Variants in UBAC2 observed in about 807,000 individuals in gnomAD.
The protein encoded by UBAC2 is UBA domain containing 2.
Under a neutral mutation model 44.0 loss-of-function variants are expected in UBAC2, and 26 were observed. The ratio of observed to expected loss-of-function variants is 0.59; its 90% CI spans 0.43 to 0.82. The LOEUF (loss-of-function observed/expected upper bound fraction) is 0.82, where lower values mean the gene tolerates loss of function less well. UBAC2 is among the 40% of genes least tolerant of loss of function. UBAC2 has a pLI of 0.00. For missense variants in UBAC2, 329 were observed against 419.4 expected (o/e 0.78, Z 1.88); for synonymous variants, 155 against 154.3 (o/e 1.00, Z -0.04).
intron 7 of UBAC2, among the ~76,000 whole-genome samples, chr13:99,358,291 G>A (rs2045217241): frequency 6.6e-6 from 1 of 152,174 alleles, no homozygotes; most frequent in Non-Finnish European, 1.5e-5. Flanking sequence ...ATCCGAAAAG[G>A]CCCTTAATGT....
intron 1 of UBAC2, among the ~76,000 whole-genome samples, chr13:99,224,860 A>C (rs1038919308): frequency 5.3e-5 from 8 of 152,352 alleles, no homozygotes; most frequent in Non-Finnish European, 1.2e-4. Context: ...ATTTTTACGT[A>C]GTAAAAGTAC....
At chr13:99,332,445 G>A (rs2044729472) in intron 6 of UBAC2, among the ~76,000 whole-genome samples, 1 of 152,188 alleles carries the variant, frequency 6.6e-6, no homozygotes, top group African/African-American at 2.4e-5. Context: ...AGTGGACTAA[G>A]AGAAAATCAT....
intron 1 of UBAC2, among the ~76,000 whole-genome samples, chr13:99,230,867 G>A (rs1479698095): frequency 6.6e-6 from 1 of 152,104 alleles, no homozygotes; most frequent in Non-Finnish European, 1.5e-5. Flanking sequence ...TGGCCAATAT[G>A]GTGAAATCCC....
rs1278649035 is a variant in UBAC2 at position 99,340,400 on chromosome 13, T to C, written c.642T>C (p.Phe214=). The part of the protein sequence containing the change: ...LCIPSWMAKF[F]SWTLEPIFSS... Reference sequence around the variant, plus strand: ...TCCCCAGCTGGATGGCAAAATTCTTTTCTTGGACACTTGAACCCATCTTCT... The same window carrying C: ...TCCCCAGCTGGATGGCAAAATTCTTCTCTTGGACACTTGAACCCATCTTCT... Residue 214 remains phenylalanine (F), a synonymous_variant, in exon 7 of 9, where the codon TTT becomes TTC. Coordinates refer to ENST00000403766, the MANE Select transcript of UBAC2 (RefSeq NM_001144072.2). 4 of 1,614,082 alleles carry C rather than the reference T, an allele frequency of 2.5e-6. No homozygotes were observed. The highest frequency in any genetic ancestry group is 1.6e-4 in the Middle Eastern group (1 of 6,084).
intron 6 of UBAC2, 135 bp downstream of exon 6, chr13:99,318,204 G>A (rs1260060539): frequency 1.8e-5 from 16 of 906,232 alleles, no homozygotes; most frequent in Middle Eastern, 2.1e-4. Context: ...TTTCACTCTT[G>A]TTGCCCAGGC....
intron 8 of UBAC2, among the ~76,000 whole-genome samples, chr13:99,377,891 G>T (rs1414953615): frequency 6.6e-6 from 1 of 152,182 alleles, no homozygotes; most frequent in Non-Finnish European, 1.5e-5. Context: ...CCTGCATGTG[G>T]TCACACGGGG....
chr13:99,377,879 C>A (rs546176770), intron 8 of UBAC2, among the ~76,000 whole-genome samples: 131 of 152,328 alleles, frequency 8.6e-4, no homozygotes, highest in Admixed American at 3.5e-3. Context: ...AGAGCCTGGT[C>A]CCCTGCATGT....
intron 1 of UBAC2, among the ~76,000 whole-genome samples, chr13:99,216,192 C>T (rs1332507216): frequency 6.6e-6 from 1 of 151,988 alleles, no homozygotes; most frequent in African/African-American, 2.4e-5. Context: ...ACCTCTGCCT[C>T]CCTGGTTCAA....
intron 7 of UBAC2, among the ~76,000 whole-genome samples, chr13:99,345,949 GC>G (rs538582443): frequency 1.4e-4 from 22 of 151,968 alleles, no homozygotes; most frequent in Non-Finnish European, 2.8e-4. Flanking sequence ...CACCATGTTG[GC>G]CAGGCTGGTC....
chr13:99,209,633 A>C (rs191707061), intron 1 of UBAC2, among the ~76,000 whole-genome samples: 1 of 152,262 alleles, frequency 6.6e-6, no homozygotes, highest in East Asian at 1.9e-4. Context: ...ACCAGTCTTA[A>C]GTTTTTGGGG....
intron 7 of UBAC2, among the ~76,000 whole-genome samples, chr13:99,362,014 A>T (rs957926735): frequency 2.0e-5 from 3 of 152,178 alleles, no homozygotes; most frequent in Non-Finnish European, 4.4e-5. Flanking sequence ...TCCCCAAAAA[A>T]AGTTAAAATA....
intron 6 of UBAC2, among the ~76,000 whole-genome samples, chr13:99,321,670 T>C (rs1298681280): frequency 1.3e-5 from 2 of 152,230 alleles, no homozygotes; most frequent in African/African-American, 4.8e-5. Flanking sequence ...TTTGAATATA[T>C]AACTTTAAAA....
intron 1 of UBAC2, among the ~76,000 whole-genome samples, chr13:99,224,288 G>A (rs191234693): frequency 6.6e-6 from 1 of 152,104 alleles, no homozygotes; most frequent in East Asian, 1.9e-4. Flanking sequence ...ATTGAATTAG[G>A]GCTCCATCTA....
At chr13:99,289,172 T>A (rs1319917564) in intron 4 of UBAC2, among the ~76,000 whole-genome samples, 1 of 152,194 alleles carries the variant, frequency 6.6e-6, no homozygotes, top group Non-Finnish European at 1.5e-5. Flanking sequence ...CAGGCCAGTG[T>A]CTTTTTTCTT....
Position 99,293,247 on chromosome 13 carries a change from T to C in UBAC2, c.390-20850T>C, listed in dbSNP as rs139927532. On this transcript the variant is annotated intron_variant, in intron 4 of 8. Transcript: ENST00000403766. The stretch of plus-strand genomic sequence containing the variant: ...CAGATAAAAGAATGTTATTCTGTTG[T>C]CAAATGCCATAGGTATTTACTCTCT... Among the ~76,000 whole-genome samples, 362 of 152,316 alleles carry C rather than the reference T, an allele frequency of 2.4e-3. 4 individuals are homozygous for C. Among genetic ancestry groups the C allele is most frequent in the South Asian group, 0.011 (51 of 4,826 alleles).
rs149851016 is a variant in UBAC2 at position 99,229,786 on chromosome 13, A to G, written c.32-8641A>G. On this transcript the variant is annotated intron_variant, in intron 1 of 8. Transcript: ENST00000403766. ...ACTTTAGACTTTCTCTTATAAATGT[A>G]TAGTTATAAATGCATAGGGAAATGA... is the stretch of plus-strand genomic sequence containing the variant. 2.4e-3 allele frequency among the ~76,000 whole-genome samples: 361 copies of G among 152,362 alleles called. 4 individuals carry two copies. The highest frequency in any genetic ancestry group is 0.011 in the South Asian group (52 of 4,830).
At chr13:99,343,272 A>G (rs1332721565) in intron 7 of UBAC2, among the ~76,000 whole-genome samples, 1 of 150,894 alleles carries the variant, frequency 6.6e-6, no homozygotes, top group Non-Finnish European at 1.5e-5. Flanking sequence ...AGTTTATGCA[A>G]GTGGGATTCT....
intron 6 of UBAC2, among the ~76,000 whole-genome samples, chr13:99,322,209 C>CT (rs1300762147): frequency 6.6e-6 from 1 of 152,196 alleles, no homozygotes; most frequent in African/African-American, 2.4e-5. Flanking sequence ...TGAAGTCAGT[C>CT]TTTACATATT....
At position 99,295,220 on chromosome 13, in the gene UBAC2, A is replaced by G. The variant is rs765076091; in HGVS notation, c.390-18877A>G. On this transcript the variant is annotated intron_variant, in intron 4 of 8. Transcript: ENST00000403766. The surrounding 1 kb of genome is among the most constrained non-coding windows in gnomAD (Gnocchi z 4.1). The stretch of plus-strand genomic sequence containing the variant: ...TCTCTTATACCCTTTACATGCAAAG[A>G]AGTAGATAAAAGGGTCCATGCAGCA... The G allele has an allele frequency of 3.1e-5, 50 of 1,614,040 alleles. No individual in the cohort carries two copies. The highest frequency in any genetic ancestry group is 4.0e-5 in the African/African-American group (3 of 74,922).
Sources: allele counts gnomAD v4.1 joint callset (sites outside exome capture counted in the v4.1 genomes callset), GRCh38; gene constraint gnomAD v4.1.1; non-coding constraint Gnocchi (gnomAD v3.1); transcripts MANE v1.5; gene names NCBI Gene and HGNC (gene_info 2026-07-23, HGNC 2026-07-21).